SSU72: variants seen among roughly 807,000 people sequenced by gnomAD.
SSU72 encodes the protein SSU72 homolog, RNA polymerase II CTD phosphatase, also known as RNA polymerase II subunit A C-terminal domain phosphatase SSU72.
In SSU72, 12 loss-of-function variants were observed where a neutral mutation model predicts 22.7. That is an observed-to-expected ratio of 0.53 (90% CI 0.34 to 0.86). The LOEUF is 0.86. Among genes scored for constraint, SSU72 ranks in the 40% least tolerant of loss-of-function variants. SSU72 has a pLI of 0.02. For missense variants in SSU72, 151 were observed against 249.8 expected (o/e 0.60, Z 2.67); for synonymous variants, 116 against 98.3 (o/e 1.18, Z -1.06).
chr1:1,559,885 C>A (rs955120156), intron 2 of SSU72, among the ~76,000 whole-genome samples: 1 of 152,176 alleles, frequency 6.6e-6, no homozygotes, highest in East Asian at 1.9e-4. Flanking sequence ...CCACGATGGC[C>A]GGCTAATTTT....
At chr1:1,570,294 C>CA (rs34871297) in intron 1 of SSU72, among the ~76,000 whole-genome samples, 44 of 143,478 alleles carry the variant, frequency 3.1e-4, no homozygotes, top group East Asian at 1.2e-3. Context: ...AAAAAAAAAA[C>CA]AAAAAAAAAA....
At chr1:1,552,938 T>C (rs1280311777) in intron 2 of SSU72, among the ~76,000 whole-genome samples, 11 of 150,032 alleles carry the variant, frequency 7.3e-5, no homozygotes, top group Admixed American at 2.7e-4. Flanking sequence ...GGAGAAACTA[T>C]TGAACCCACG....
At chr1:1,544,008 C>A (rs371048176) in intron 3 of SSU72, 21 bp from the exon 4 acceptor site, 6 of 1,588,042 alleles carry the variant, frequency 3.8e-6, no homozygotes, top group African/African-American at 2.7e-5. Flanking sequence ...CAAGGTGACA[C>A]AGACGTCAGA....
chr1:1,554,908 G>A lies in SSU72; in HGVS notation c.224+9865C>T, dbSNP rs1642502347. Among the ~76,000 whole-genome samples, 1 of 152,104 alleles carries A rather than the reference G, an allele frequency of 6.6e-6. No individual in the cohort carries two copies. The highest frequency in any genetic ancestry group is 2.4e-5 in the African/African-American group (1 of 41,426). Reference sequence around the variant, plus strand: ...GCCTCTCCTTTGCAAACCGTGGCTGGCAGCAGAGACTTCCTTGACGTCAAG... The same window carrying A: ...GCCTCTCCTTTGCAAACCGTGGCTGACAGCAGAGACTTCCTTGACGTCAAG... On this transcript the variant is annotated intron_variant, in intron 2 of 4. Coordinates refer to ENST00000291386, the MANE Select transcript of SSU72 (RefSeq NM_014188.3). This position sits in a 1 kb window ranked among gnomAD's most constrained non-coding sequence, Gnocchi z 4.1.
In SSU72 at chr1:1,556,687, A is replaced by C. The variant is rs192853383; in HGVS notation, c.224+8086T>G. On this transcript the variant is annotated intron_variant, in intron 2 of 4. Transcript: ENST00000291386. The stretch of plus-strand genomic sequence containing the variant: ...ACCCAACTGTAACCGTGGCCTCAAC[A>C]CAGAGCCACACAAGGCTCAGGCCAG... Among the ~76,000 whole-genome samples, 7 of 152,286 alleles carry C rather than the reference A, an allele frequency of 4.6e-5. No homozygotes were observed. In the East Asian group the frequency reaches 1.4e-3, roughly 29 times the overall value.
chr1:1,572,659 G>T (rs755099215), intron 1 of SSU72, among the ~76,000 whole-genome samples: 1 of 150,600 alleles, frequency 6.6e-6, no homozygotes, highest in Non-Finnish European at 1.5e-5. Flanking sequence ...GGGTTTCATC[G>T]TGTTAGCCAG....
chr1:1,541,979 G>T lies in SSU72; in HGVS notation c.*87C>A. The T allele has an allele frequency of 7.7e-7, 1 of 1,295,328 alleles. No homozygotes were observed. The highest frequency in any genetic ancestry group is 1.1e-6 in the Non-Finnish European group (1 of 918,874). The allele number at this position is 1,295,328 out of a possible 1,614,324, so 80.2% of individuals were successfully genotyped here. On this transcript the variant is annotated 3_prime_UTR_variant, in exon 5 of 5. Transcript: ENST00000291386. ...TTGGGTAATGCTACCGTCACCAGCAGAACACCTGTAAGTAAAAACAAATGT... is the reference window on the plus strand; with the variant it reads ...TTGGGTAATGCTACCGTCACCAGCATAACACCTGTAAGTAAAAACAAATGT...
In SSU72 at chr1:1,543,835, C is replaced by T. The variant is rs1484077583; in HGVS notation, c.483+34G>A. The T allele has an allele frequency of 2.6e-6, 4 of 1,561,744 alleles. No individual in the cohort carries two copies. The South Asian group carries it at 4.4e-5, about 17-fold the overall frequency. On this transcript the variant is annotated intron_variant, in intron 4 of 4. Coordinates refer to ENST00000291386, the MANE Select transcript of SSU72 (RefSeq NM_014188.3). The stretch of plus-strand genomic sequence containing the variant: ...CTCGGTCACTCCCCTCTGTCACAAC[C>T]TCTGCCCAGCGCGGCGCCCAGCCGG...
chr1:1,568,603 C>G (rs929860792), intron 1 of SSU72, among the ~76,000 whole-genome samples: 7 of 151,996 alleles, frequency 4.6e-5, no homozygotes, highest in African/African-American at 1.7e-4. Flanking sequence ...GAGACTCTGT[C>G]TCAAAAAAAC....
Position 1,554,512 on chromosome 1 carries a change from C to T in SSU72, c.225-9510G>A, listed in dbSNP as rs1642496194. Among the ~76,000 whole-genome samples the T allele has an allele frequency of 1.3e-5, 2 of 152,192 alleles. No homozygotes were observed. The highest frequency in any genetic ancestry group is 2.9e-5 in the Non-Finnish European group (2 of 68,026). ...ACCAGGAAACGCCCCAAACACAGCT[C>T]GGTTTTCCTTACCAAGGTTTTCTCT... On this transcript the variant is annotated intron_variant, in intron 2 of 4. Coordinates refer to ENST00000291386, the MANE Select transcript of SSU72 (RefSeq NM_014188.3). The surrounding 1 kb of genome is among the most constrained non-coding windows in gnomAD (Gnocchi z 4.1).
chr1:1,565,115 G>C (rs1213617804), intron 1 of SSU72, among the ~76,000 whole-genome samples, 199 bp from the exon 2 acceptor site: 1 of 43,846 alleles, frequency 2.3e-5, no homozygotes. Context: ...CAAGGCAGGC[G>C]GATCATGAAG....
chr1:1,542,867 C>T lies in SSU72; in HGVS notation c.484-700G>A, dbSNP rs189761627. On this transcript the variant is annotated intron_variant, in intron 4 of 4. Coordinates refer to ENST00000291386, the MANE Select transcript of SSU72 (RefSeq NM_014188.3). The surrounding 1 kb of genome is among the most constrained non-coding windows in gnomAD (Gnocchi z 4.4). ...TGGCGCTTCAGCAGCCACACTGGAC[C>T]GTGAGGCACGTGGGGACCAGAAGCC... 3.7e-3 allele frequency among the ~76,000 whole-genome samples: 557 copies of T among 152,294 alleles called. 5 individuals carry two copies. Among genetic ancestry groups the T allele is most frequent in the African/African-American group, 0.013 (522 of 41,554 alleles).
In SSU72 at chr1:1,549,482, G is replaced by A. The variant is rs181494619; in HGVS notation, c.225-4480C>T. ...TTGCAGTGAGCAAGATCGCACCACC[G>A]CACTCCAGCCTGGGGGACAGAGCGA... On this transcript the variant is annotated intron_variant, in intron 2 of 4. Transcript: ENST00000291386. 1.4e-4 allele frequency among the ~76,000 whole-genome samples: 20 copies of A among 147,924 alleles called. No homozygotes were observed. In the East Asian group the frequency reaches 4.0e-3, roughly 30 times the overall value.
intron 2 of SSU72, among the ~76,000 whole-genome samples, chr1:1,550,526 G>A (rs970203347): frequency 1.3e-5 from 2 of 152,224 alleles, no homozygotes; most frequent in African/African-American, 4.8e-5. Context: ...CCAGCACTCA[G>A]AGAATCAGTG....
chr1:1,570,571 C>G (rs1158639678), intron 1 of SSU72, among the ~76,000 whole-genome samples: 1 of 152,042 alleles, frequency 6.6e-6, no homozygotes, highest in Non-Finnish European at 1.5e-5. Context: ...TGCAGGGACC[C>G]CCCCCACCCC....
At position 1,574,630 on chromosome 1, in the gene SSU72, A is replaced by C; in HGVS notation, c.-73T>G. ...ACCGCGGCGCTTCCGCGCGAACAAA[A>C]TGGCGGCCGCGGTGGCCGGAAGCGG... On this transcript the variant is annotated 5_prime_UTR_variant, in exon 1 of 5. Coordinates refer to ENST00000291386, the MANE Select transcript of SSU72 (RefSeq NM_014188.3). The C allele has an allele frequency of 2.8e-6, 4 of 1,439,190 alleles. No individual in the cohort carries two copies. The highest frequency in any genetic ancestry group is 2.0e-4 in the Middle Eastern group (1 of 5,018). 89.2% of individuals were successfully genotyped at this position (1,439,190 alleles called of 1,614,324 possible).
intron 2 of SSU72, among the ~76,000 whole-genome samples, chr1:1,555,005 G>A (rs1292483366): frequency 6.6e-6 from 1 of 152,148 alleles, no homozygotes; most frequent in Non-Finnish European, 1.5e-5. Context: ...TTCCCTGCAC[G>A]TATGACTCAT....
chr1:1,568,442 TAAAAAAA>T (rs1243469113), intron 1 of SSU72, among the ~76,000 whole-genome samples: 7 of 148,392 alleles, frequency 4.7e-5, no homozygotes, highest in Non-Finnish European at 7.5e-5. Context: ...AAAAAAAAAA[TAAAAAAA>T]TAAAAAAAGC....
chr1:1,560,656 G>A (rs959808289), intron 2 of SSU72, among the ~76,000 whole-genome samples: 16 of 152,158 alleles, frequency 1.1e-4, no homozygotes, highest in African/African-American at 3.6e-4. Context: ...GGGGTTACCA[G>A]CAGGCAACCT....
Sources: gnomAD v4.1 joint callset for allele counts (sites outside exome capture counted in the v4.1 genomes callset) on GRCh38, gnomAD v4.1.1 for gene constraint, Gnocchi (gnomAD v3.1) non-coding constraint, MANE v1.5 for transcripts, NCBI Gene and HGNC (gene_info 2026-07-23, HGNC 2026-07-21) for gene names.